DNAJC13: variants seen among roughly 807,000 people sequenced by gnomAD.
The protein encoded by DNAJC13 is DnaJ heat shock protein family (Hsp40) member C13, also known as dnaJ homolog subfamily C member 13.
In DNAJC13, 75 loss-of-function variants were observed where a neutral mutation model predicts 290.5. That is an observed-to-expected ratio of 0.26 (90% CI 0.21 to 0.31). The LOEUF (loss-of-function observed/expected upper bound fraction) is 0.31. Ranked by LOEUF, DNAJC13 falls within the 10% of genes least tolerant of loss-of-function variation. The probability of loss-of-function intolerance (pLI) is 1.00; values close to 1 mark genes in which losing one functional copy is unlikely to be tolerated. For synonymous variants in DNAJC13, 862 were observed against 892.0 expected, an observed-to-expected ratio of 0.97 and a Z score of 0.60; for missense variants, 2,260 against 2,674.5, an observed-to-expected ratio of 0.85 and a Z score of 3.42.
chr3:132,452,293 A>G (rs1320869630), intron 6 of DNAJC13, among the ~76,000 whole-genome samples: 1 of 152,244 alleles, frequency 6.6e-6, no homozygotes, highest in African/African-American at 2.4e-5. Flanking sequence ...ACTGTAAGAC[A>G]CTAGCTAAAA....
At position 132,427,076 on chromosome 3, in the gene DNAJC13, T is replaced by TGTA. The variant is rs1491236614; in HGVS notation, c.-13-7460_-13-7459insAGT. Among the ~76,000 whole-genome samples, 10 of 24,298 alleles carry TGTA rather than the reference T, an allele frequency of 4.1e-4. No individual in the cohort carries two copies. The African/African-American group carries it at 5.4e-3, about 13-fold the overall frequency. 15.9% of individuals were successfully genotyped at this position (24,298 alleles called of 152,430 possible). A position where few individuals can be genotyped will look rare whatever the true frequency, so the allele number is the denominator to read the frequency against. On this transcript the variant is annotated intron_variant, in intron 1 of 55. Coordinates refer to ENST00000260818, the MANE Select transcript of DNAJC13 (RefSeq NM_015268.4). ...TTATCTTGGTGTTTATATATACATA[T>TGTA]GTGTGTGTGTGTGTGTGTGTGTGTG...
intron 40 of DNAJC13, 48 bp downstream of exon 40, chr3:132,502,516 T>C (rs1935451724): frequency 6.6e-7 from 1 of 1,521,536 alleles, no homozygotes; most frequent in Non-Finnish European, 8.9e-7. Context: ...AAACCTTAGG[T>C]TGGTGTTAAA....
At chr3:132,426,492 T>C (rs1393305343) in intron 1 of DNAJC13, among the ~76,000 whole-genome samples, 2 of 152,236 alleles carry the variant, frequency 1.3e-5, no homozygotes, top group Admixed American at 1.3e-4. Context: ...TGGCAAATGC[T>C]AGTGATACAG....
chr3:132,482,307 A>T lies in DNAJC13; in HGVS notation c.2956A>T (p.Ser986Cys). The change falls in exon 27 of 56, where the codon AGT becomes TGT. Residue 986 changes from serine to cysteine, a missense_variant. Coordinates refer to ENST00000260818, the MANE Select transcript of DNAJC13 (RefSeq NM_015268.4). Reference protein sequence around the residue: ...WYFGNADKERSGPYGFHEMQE... With the variant: ...WYFGNADKERCGPYGFHEMQE... ...TTTTGGCAACGCAGACAAAGAAAGG[A>T]GTGGCCCGTATGGATTTCATGAGGT... 2 of 1,613,730 alleles carry T rather than the reference A, an allele frequency of 1.2e-6. No homozygotes were observed. The highest frequency in any genetic ancestry group is 1.7e-6 in the Non-Finnish European group (2 of 1,179,740).
At chr3:132,454,297 T>C (rs899497868) in intron 9 of DNAJC13, 140 bp downstream of exon 9, 11 of 619,664 alleles carry the variant, frequency 1.8e-5, no homozygotes, top group Non-Finnish European at 2.7e-5. Context: ...ATATTTAAAA[T>C]GACCCTCCCA....
chr3:132,495,259 C>A, intron 35 of DNAJC13, 93 bp downstream of exon 35: 1 of 970,530 alleles, frequency 1.0e-6, no homozygotes, highest in Non-Finnish European at 1.6e-6. Flanking sequence ...GTGCCAGTAT[C>A]TGCCTCATAA....
intron 48 of DNAJC13, among the ~76,000 whole-genome samples, chr3:132,520,735 CT>C (rs1237330889): frequency 6.6e-6 from 1 of 152,126 alleles, no homozygotes; most frequent in Non-Finnish European, 1.5e-5. Flanking sequence ...TTAAAGTTTG[CT>C]TTCATATCAA....
intron 13 of DNAJC13, 33 bp downstream of exon 13, chr3:132,457,401 T>C (rs1180661910): frequency 6.4e-7 from 1 of 1,563,474 alleles, no homozygotes; most frequent in Middle Eastern, 1.7e-4. Flanking sequence ...AAACTGGTTT[T>C]TCTTAAGTTG....
intron 16 of DNAJC13, among the ~76,000 whole-genome samples, chr3:132,462,862 G>GA (rs1559879729): frequency 6.6e-6 from 1 of 152,150 alleles, no homozygotes; most frequent in East Asian, 1.9e-4. Flanking sequence ...AGCTTGTATA[G>GA]AAATCTATTG....
Position 132,471,574 on chromosome 3 carries a change from C to T in DNAJC13, c.2209-1571C>T, listed in dbSNP as rs1411185247. On this transcript the variant is annotated intron_variant, in intron 20 of 55. Coordinates refer to ENST00000260818, the MANE Select transcript of DNAJC13 (RefSeq NM_015268.4). ...GCTCCTCACCTCCCAGATGGGGTCTCGGCCGGGCAGAGGCACTCCTCACAT... is the reference window on the plus strand; with the variant it reads ...GCTCCTCACCTCCCAGATGGGGTCTTGGCCGGGCAGAGGCACTCCTCACAT... 3.6e-4 allele frequency among the ~76,000 whole-genome samples: 50 copies of T among 138,594 alleles called. 1 individual carries two copies. The highest frequency in any genetic ancestry group is 1.1e-3 in the African/African-American group (42 of 36,546). The allele number at this position is 138,594 out of a possible 152,430, so 90.9% of individuals were successfully genotyped here. A position where few individuals can be genotyped will look rare whatever the true frequency, so the allele number is the denominator to read the frequency against.
Position 132,528,293 on chromosome 3 carries a change from T to C in DNAJC13, c.6486T>C (p.Ala2162=). ...CCACTAAGGCTCAGATTGTTAAAGCTCTCAAGGCAATGACTCGAAGTTTGC... is the reference window on the plus strand; with the variant it reads ...CCACTAAGGCTCAGATTGTTAAAGCCCTCAAGGCAATGACTCGAAGTTTGC... ...PAATKAQIVK[A]LKAMTRSLQY... The change falls in exon 54 of 56, where the codon GCT becomes GCC. Residue 2162 remains alanine (A), a synonymous_variant. Coordinates refer to ENST00000260818, the MANE Select transcript of DNAJC13 (RefSeq NM_015268.4). The C allele has an allele frequency of 6.2e-7, 1 of 1,614,138 alleles. No individual in the cohort carries two copies. The highest frequency in any genetic ancestry group is 8.5e-7 in the Non-Finnish European group (1 of 1,180,004).
rs541460466 is a variant in DNAJC13 at position 132,482,397 on chromosome 3, A to G, written c.2979+67A>G. 3 of 1,252,116 alleles carry G rather than the reference A, an allele frequency of 2.4e-6. No individual in the cohort carries two copies. In the South Asian group the frequency reaches 3.8e-5, roughly 16 times the overall value. 77.6% of individuals were successfully genotyped at this position (1,252,116 alleles called of 1,614,324 possible). A position where few individuals can be genotyped will look rare whatever the true frequency, so the allele number is the denominator to read the frequency against. On this transcript the variant is annotated intron_variant, in intron 27 of 55. Coordinates refer to ENST00000260818, the MANE Select transcript of DNAJC13 (RefSeq NM_015268.4). ...TCTTATGCCCTCCTGCTTAGCACTT[A>G]CAGAGGCGTGGAATGTTTTAAAGCT...
chr3:132,476,008 A>G (rs2107690188), intron 22 of DNAJC13, among the ~76,000 whole-genome samples: 1 of 152,212 alleles, frequency 6.6e-6, no homozygotes, highest in South Asian at 2.1e-4. Context: ...ATCTTTGCTC[A>G]CTGCAGCCTC....
At chr3:132,442,006 G>GT (rs201467302) in intron 2 of DNAJC13, among the ~76,000 whole-genome samples, 30,352 of 145,032 alleles carry the variant, frequency 0.21, 3,455 homozygotes, top group African/African-American at 0.31. Context: ...TAACACATTG[G>GT]TTTTTTTTTT....
At chr3:132,448,811 C>T (rs1424019423) in intron 5 of DNAJC13, among the ~76,000 whole-genome samples, 2 of 152,040 alleles carry the variant, frequency 1.3e-5, no homozygotes, top group Non-Finnish European at 2.9e-5. Flanking sequence ...TGCCCAGCAG[C>T]GTTTAAAAAT....
intron 37 of DNAJC13, 106 bp from the exon 38 acceptor site, chr3:132,499,628 C>T: frequency 2.1e-6 from 2 of 968,668 alleles, no homozygotes; most frequent in Non-Finnish European, 3.1e-6. Context: ...ATTTATGTAT[C>T]AAATATTTAA....
In DNAJC13 at chr3:132,461,111, G is replaced by C; in HGVS notation, c.1619G>C (p.Cys540Ser). ...SLLDFLTFAL[C>S]APYSETTEGQ... Reference sequence around the variant, plus strand: ...TTGGACTTCCTTACCTTTGCCCTCTGTGCTCCATATAGTGAGACAACTGAA... The same window carrying C: ...TTGGACTTCCTTACCTTTGCCCTCTCTGCTCCATATAGTGAGACAACTGAA... The change falls in exon 15 of 56, where the codon TGT (cysteine) becomes TCT (serine). Residue 540 changes from cysteine (C) to serine (S), a missense_variant. This residue lies in a region of DNAJC13 where 762 missense variants were observed against 964.1 expected (regional missense o/e 0.79). Transcript: ENST00000260818. The C allele has an allele frequency of 6.2e-7, 1 of 1,614,012 alleles. No homozygotes were observed. The highest frequency in any genetic ancestry group is 1.7e-5 in the Admixed American group (1 of 60,016).
At chr3:132,537,877 C>T (rs1206079531) in intron 55 of DNAJC13, among the ~76,000 whole-genome samples, 1 of 152,124 alleles carries the variant, frequency 6.6e-6, no homozygotes, top group Non-Finnish European at 1.5e-5. Context: ...CTTTTCAGTG[C>T]TCGGAATTTT....
Position 132,505,287 on chromosome 3 carries a change from A to T in DNAJC13, c.4885-15A>T. ...TTTTCACTAAATGTTATAAAACGGT[A>T]ATATTGTCTCCTAGATTTTGAAGAT... On this transcript the variant is annotated splice_polypyrimidine_tract_variant and intron_variant, in intron 41 of 55. Transcript: ENST00000260818. 6.7e-7 allele frequency: 1 copy of T among 1,485,892 alleles called. No homozygotes were observed. Among genetic ancestry groups the T allele is most frequent in the Non-Finnish European group, 9.3e-7 (1 of 1,071,268 alleles). The allele number at this position is 1,485,892 out of a possible 1,614,324, so 92.0% of individuals were successfully genotyped here. A position where few individuals can be genotyped will look rare whatever the true frequency, so the allele number is the denominator to read the frequency against.
Sources: allele counts gnomAD v4.1 joint callset (sites outside exome capture counted in the v4.1 genomes callset), GRCh38; gene constraint gnomAD v4.1.1; regional missense constraint gnomAD v4.1.1; transcripts MANE v1.5; gene names NCBI Gene and HGNC (gene_info 2026-07-23, HGNC 2026-07-21).